Variants in VRK2 observed in about 807,000 individuals in gnomAD.
VRK2 encodes the protein serine/threonine-protein kinase VRK2.
VRK2 carries 60 observed loss-of-function variants against 57.6 expected under a neutral mutation model. The observed-to-expected ratio is 1.04, with a 90% CI of 0.85 to 1.29. VRK2 has a LOEUF of 1.29. Ranked by LOEUF, VRK2 falls within the 50% of genes most tolerant of loss-of-function variation. The probability of loss-of-function intolerance (pLI) is 0.00; values close to 1 mark genes in which losing one functional copy is unlikely to be tolerated. For synonymous variants in VRK2, 231 were observed against 199.2 expected, an observed-to-expected ratio of 1.16 and a Z score of -1.35; for missense variants, 705 against 588.1, an observed-to-expected ratio of 1.20 and a Z score of -2.06.
chr2:58,020,287 CT>C (rs1282484011), intron 1 of VRK2, among the ~76,000 whole-genome samples: 4 of 152,350 alleles, frequency 2.6e-5, no homozygotes, highest in African/African-American at 9.6e-5. Flanking sequence ...TAACAGCTCA[CT>C]GCAGCCTCTT....
At chr2:58,036,840 T>C (rs998866501) in intron 3 of VRK2, among the ~76,000 whole-genome samples, 9 of 152,092 alleles carry the variant, frequency 5.9e-5, no homozygotes, top group Non-Finnish European at 1.0e-4. Context: ...TAATCTATAC[T>C]GTCCAATAGG....
At chr2:58,007,014 T>A (rs941926550) in intron 1 of VRK2, among the ~76,000 whole-genome samples, 1 of 151,936 alleles carries the variant, frequency 6.6e-6, no homozygotes, top group Non-Finnish European at 1.5e-5. Flanking sequence ...ATAATATTAA[T>A]CTTTCTCTCA....
intron 1 of VRK2, among the ~76,000 whole-genome samples, chr2:57,913,251 G>A (rs754019157): frequency 9.9e-5 from 15 of 152,200 alleles, no homozygotes; most frequent in South Asian, 4.2e-4. Flanking sequence ...TTTACATTAC[G>A]CAAGTCATGG....
intron 1 of VRK2, among the ~76,000 whole-genome samples, chr2:57,922,788 A>G (rs191608639): frequency 6.6e-6 from 1 of 152,044 alleles, no homozygotes; most frequent in Admixed American, 6.6e-5. Flanking sequence ...TACATAATAA[A>G]TTATTGTCGA....
At chr2:57,932,826 G>A (rs1036330107) in intron 1 of VRK2, among the ~76,000 whole-genome samples, 1 of 151,934 alleles carries the variant, frequency 6.6e-6, no homozygotes, top group East Asian at 1.9e-4. Context: ...GGCATTTAAC[G>A]TTATAAACCT....
At chr2:57,966,229 G>T (rs72808482) in intron 1 of VRK2, among the ~76,000 whole-genome samples, 18,608 of 152,188 alleles carry the variant, frequency 0.12, 1,222 homozygotes, top group East Asian at 0.18. Flanking sequence ...TGGGCATTAT[G>T]ATGAGCCAAA....
chr2:58,141,946 T>A (rs992309831), intron 11 of VRK2, among the ~76,000 whole-genome samples: 1 of 152,004 alleles, frequency 6.6e-6, no homozygotes, highest in African/African-American at 2.4e-5. Flanking sequence ...CTCTTATTAG[T>A]AACTAAAATC....
chr2:58,093,917 A>G (rs2104277262), intron 7 of VRK2, among the ~76,000 whole-genome samples: 1 of 152,348 alleles, frequency 6.6e-6, no homozygotes, highest in Non-Finnish European at 1.5e-5. Context: ...TTTATTAAAT[A>G]GGGAATCCTT....
At position 58,055,411 on chromosome 2, in the gene VRK2, T is replaced by C. The variant is rs114093152; in HGVS notation, c.136+6444T>C. 3.5e-3 allele frequency among the ~76,000 whole-genome samples: 538 copies of C among 152,324 alleles called. 1 individual carries two copies. Among genetic ancestry groups the C allele is most frequent in the African/African-American group, 0.012 (502 of 41,566 alleles). On this transcript the variant is annotated intron_variant, in intron 2 of 12. Coordinates refer to ENST00000340157, the MANE Select transcript of VRK2 (RefSeq NM_006296.7). The stretch of plus-strand genomic sequence containing the variant: ...TGCCATTTCTACTCCAACTTAGAAG[T>C]TGATTAATTTTGAAAGTCAAACAGC...
At chr2:58,154,848 T>C in intron 12 of VRK2, 1 of 687,438 alleles carries the variant, frequency 1.5e-6, no homozygotes, top group Non-Finnish European at 2.7e-6. Flanking sequence ...CTGTTTGTAC[T>C]GCATCCTGTA....
intron 1 of VRK2, among the ~76,000 whole-genome samples, chr2:58,015,477 T>G (rs1673553476): frequency 6.6e-6 from 1 of 152,194 alleles, no homozygotes. Flanking sequence ...AATACCTATC[T>G]CATTATTATT....
chr2:58,053,032 C>G (rs184237515), intron 2 of VRK2, among the ~76,000 whole-genome samples: 89 of 152,274 alleles, frequency 5.8e-4, no homozygotes, highest in Admixed American at 5.5e-3. Context: ...GTGTCAAGCA[C>G]AGAATAGATG....
At chr2:57,908,902 A>G (rs535699848) in intron 1 of VRK2, among the ~76,000 whole-genome samples, 1 of 152,298 alleles carries the variant, frequency 6.6e-6, no homozygotes, top group Non-Finnish European at 1.5e-5. Flanking sequence ...GTAAATGCCT[A>G]TATTAGAAAG....
intron 1 of VRK2, among the ~76,000 whole-genome samples, chr2:57,920,658 C>G (rs1272277988): frequency 6.6e-6 from 1 of 152,052 alleles, no homozygotes; most frequent in Non-Finnish European, 1.5e-5. Context: ...ACGTTGCTCC[C>G]TGAGAGTAAC....
intron 7 of VRK2, among the ~76,000 whole-genome samples, chr2:58,113,119 G>C (rs1468800035): frequency 6.6e-6 from 1 of 151,996 alleles, no homozygotes; most frequent in Non-Finnish European, 1.5e-5. Context: ...GACTAGCCTG[G>C]CCAACATGGT....
At chr2:58,127,182 C>T (rs933546708) in intron 8 of VRK2, among the ~76,000 whole-genome samples, 2 of 151,780 alleles carry the variant, frequency 1.3e-5, no homozygotes, top group African/African-American at 4.8e-5. Context: ...TATGTGAAAT[C>T]CAAGTCTTGT....
At chr2:57,950,241 AT>A (rs1267652336) in intron 1 of VRK2, among the ~76,000 whole-genome samples, 2 of 152,262 alleles carry the variant, frequency 1.3e-5, no homozygotes, top group Non-Finnish European at 2.9e-5. Context: ...AAACGATGCC[AT>A]CTAGGACTTC....
At chr2:58,146,506 A>C (rs1682161982) in intron 12 of VRK2, 32 bp downstream of exon 12, 2 of 1,590,134 alleles carry the variant, frequency 1.3e-6, no homozygotes, top group East Asian at 4.5e-5. Context: ...GTTTTTTCTA[A>C]CTTAATGTTA....
chr2:58,143,823 C>T (rs1479900730), intron 11 of VRK2, among the ~76,000 whole-genome samples: 2 of 151,768 alleles, frequency 1.3e-5, no homozygotes, highest in East Asian at 1.9e-4. Flanking sequence ...TACAGCACAA[C>T]CTAAGTGTGT....
Sources: gnomAD v4.1 joint callset for allele counts (sites outside exome capture counted in the v4.1 genomes callset) on GRCh38, gnomAD v4.1.1 for gene constraint, MANE v1.5 for transcripts, NCBI Gene and HGNC (gene_info 2026-07-23, HGNC 2026-07-21) for gene names.